The following MTMR3 variants were observed in gnomAD, a reference collection of about 807,000 sequenced individuals.
The protein encoded by MTMR3 is myotubularin related protein 3.
A neutral mutation model predicts 132.4 loss-of-function variants in MTMR3; 32 were observed. The ratio of observed to expected loss-of-function variants is 0.24; its 90% CI spans 0.18 to 0.32. MTMR3 has a LOEUF of 0.32. Ranked by LOEUF, MTMR3 falls within the 10% of genes least tolerant of loss-of-function variation. MTMR3 has a pLI of 1.00. For missense variants in MTMR3, 1,216 were observed against 1,489.6 expected, an observed-to-expected ratio of 0.82 and a Z score of 3.02; for synonymous variants, 556 against 550.3, an observed-to-expected ratio of 1.01 and a Z score of -0.14.
At position 30,020,664 on chromosome 22, in the gene MTMR3, C is replaced by A. The variant is rs771559381; in HGVS notation, c.3005C>A (p.Ser1002Tyr). Residue 1002 changes from serine (S) to tyrosine (Y), a missense_variant, in exon 17 of 20, where the codon TCT (serine) becomes TAT (tyrosine). By Grantham distance (144) the Ser-to-Tyr change is moderately radical. Coordinates refer to ENST00000401950, the MANE Select transcript of MTMR3 (RefSeq NM_021090.4). ...KWLHSHSGRP[S>Y]ATSSPDQPSR... ...CTGCATAGCCACTCAGGAAGGCCAT[C>A]TGCAACCAGCAGCCCCGACCAGCCT... The A allele has an allele frequency of 1.9e-6, 3 of 1,614,246 alleles. No homozygotes were observed. The Admixed American group carries it at 5.0e-5, about 27-fold the overall frequency.
rs2066961745 is a variant in MTMR3, at chr22:29,991,577, A to G, written c.367A>G (p.Lys123Glu). Residue 123 changes from lysine (K) to glutamate (E), a missense_variant, in exon 7 of 20, where the codon AAA becomes GAA. By Grantham distance (56) the Lys-to-Glu change is moderately conservative. Coordinates refer to ENST00000401950, the MANE Select transcript of MTMR3 (RefSeq NM_021090.4). ...GAACAACGCAATCCGACCACCTGCTAAAATAGAAGATCTCTTCTCATTTGC... is the reference window on the plus strand; with the variant it reads ...GAACAACGCAATCCGACCACCTGCTGAAATAGAAGATCTCTTCTCATTTGC... ...RLNNAIRPPAKIEDLFSFAYH... is the reference protein window; with the variant it reads ...RLNNAIRPPAEIEDLFSFAYH... 4.3e-6 allele frequency: 7 copies of G among 1,614,118 alleles called. No homozygotes were observed. The highest frequency in any genetic ancestry group is 5.9e-6 in the Non-Finnish European group (7 of 1,179,984).
chr22:29,918,891 T>A (rs911479076), intron 1 of MTMR3, among the ~76,000 whole-genome samples: 1 of 152,168 alleles, frequency 6.6e-6, no homozygotes, highest in Non-Finnish European at 1.5e-5. Context: ...GTTTGTATGG[T>A]TAGTTGAATT....
At chr22:30,010,404 G>A (rs961175701) in intron 12 of MTMR3, 9 of 152,206 alleles carry the variant, frequency 5.9e-5, no homozygotes, top group African/African-American at 2.2e-4. Context: ...TTTATTAAAG[G>A]TAATGCTTTT....
In MTMR3 at chr22:29,903,871, A is replaced by C. The variant is rs74976066; in HGVS notation, c.-138+20512A>C. Among the ~76,000 whole-genome samples the C allele has an allele frequency of 9.5e-4, 145 of 152,320 alleles. 2 individuals carry two copies. In the East Asian group the frequency reaches 0.017, roughly 17 times the overall value. On this transcript the variant is annotated intron_variant, in intron 1 of 19. Coordinates refer to ENST00000401950, the MANE Select transcript of MTMR3 (RefSeq NM_021090.4). ...TGTGTTTGGAGCCAAGGGATATTACACTTGAAATATGGTCATTTGGTGAAC... is the reference window on the plus strand; with the variant it reads ...TGTGTTTGGAGCCAAGGGATATTACCCTTGAAATATGGTCATTTGGTGAAC...
At chr22:29,954,541 A>G (rs1001778004) in intron 1 of MTMR3, among the ~76,000 whole-genome samples, 2 of 151,960 alleles carry the variant, frequency 1.3e-5, no homozygotes, top group African/African-American at 4.8e-5. Context: ...AAGCCCACCT[A>G]CTCGAACCTT....
chr22:29,929,510 T>C (rs2065597039), intron 1 of MTMR3, among the ~76,000 whole-genome samples: 1 of 151,944 alleles, frequency 6.6e-6, no homozygotes, highest in South Asian at 2.1e-4. Flanking sequence ...TTCTCTCTCA[T>C]GGATTTTTAT....
intron 1 of MTMR3, among the ~76,000 whole-genome samples, chr22:29,926,161 C>G (rs1242146415): frequency 1.3e-5 from 2 of 152,158 alleles, no homozygotes; most frequent in African/African-American, 4.8e-5. Flanking sequence ...TTTGTGCTGG[C>G]TGCTTTCATT....
At chr22:29,968,848 CA>C (rs2066479205) in intron 2 of MTMR3, among the ~76,000 whole-genome samples, 1 of 152,190 alleles carries the variant, frequency 6.6e-6, no homozygotes, top group East Asian at 1.9e-4. Context: ...GGCCAAATCA[CA>C]AAAGTTTGGC....
rs1399405403 is a variant in MTMR3, at chr22:29,994,705, A to G, written c.460+3035A>G. On this transcript the variant is annotated intron_variant, in intron 7 of 19. Transcript: ENST00000401950. ...TCTCTACCTAGCCTGCTAGAAGTAG[A>G]ATGTATCAGAGAGGAGAGAAATGAG... is the stretch of plus-strand genomic sequence containing the variant. 2.0e-5 allele frequency: 3 copies of G among 152,228 alleles called. 1 individual carries two copies. In the South Asian group the frequency reaches 6.2e-4, roughly 31 times the overall value. 9.4% of individuals were successfully genotyped at this position (152,228 alleles called of 1,614,324 possible).
intron 1 of MTMR3, among the ~76,000 whole-genome samples, chr22:29,951,214 A>G (rs916734767): frequency 6.6e-6 from 1 of 152,140 alleles, no homozygotes; most frequent in Non-Finnish European, 1.5e-5. Context: ...AAATCAGAAC[A>G]TATACTTTTA....
intron 1 of MTMR3, among the ~76,000 whole-genome samples, chr22:29,903,438 G>A (rs1467538959): frequency 6.9e-6 from 1 of 145,174 alleles, no homozygotes; most frequent in Non-Finnish European, 1.5e-5. Context: ...ATCCAGGCTG[G>A]AGTGCAGTGG....
At chr22:29,981,107 CT>C (rs1015257178) in intron 5 of MTMR3, 1 of 147,418 alleles carries the variant, frequency 6.8e-6, no homozygotes, top group Non-Finnish European at 1.5e-5. Context: ...TAACTACACT[CT>C]TTCTTTGCTT....
intron 2 of MTMR3, among the ~76,000 whole-genome samples, chr22:29,967,396 T>C (rs1312424504): frequency 6.6e-6 from 1 of 150,874 alleles, no homozygotes; most frequent in African/African-American, 2.4e-5. Context: ...CACAACCACC[T>C]AATTTTTTTT....
chr22:29,899,057 A>G (rs2064957363), intron 1 of MTMR3, among the ~76,000 whole-genome samples: 1 of 151,920 alleles, frequency 6.6e-6, no homozygotes, highest in African/African-American at 2.4e-5. Flanking sequence ...TTTTTGTTTT[A>G]CTTGAGTTAA....
intron 1 of MTMR3, among the ~76,000 whole-genome samples, chr22:29,892,026 G>A (rs1602413019): frequency 6.6e-6 from 1 of 152,012 alleles, no homozygotes; most frequent in East Asian, 2.0e-4. Flanking sequence ...GGTGGCACGC[G>A]CCTGTAGTTC....
intron 6 of MTMR3, 33 bp from the exon 7 acceptor site, chr22:29,991,471 G>T: frequency 6.4e-7 from 1 of 1,573,324 alleles, no homozygotes; most frequent in Non-Finnish European, 8.6e-7. Flanking sequence ...ACTGTCTTCT[G>T]ATTACATCCA....
chr22:29,916,012 A>G (rs1311756791), intron 1 of MTMR3, among the ~76,000 whole-genome samples: 1 of 152,034 alleles, frequency 6.6e-6, no homozygotes, highest in Non-Finnish European at 1.5e-5. Context: ...TAAGAATCCT[A>G]TGGCGTTATG....
chr22:30,025,873 G>A lies in MTMR3; in HGVS notation c.*72G>A, dbSNP rs1178813467. ...CAGGCCCACTCAACCTGGGCAGACC[G>A]AGAGGCCCGTGCACTTTGGAATGGG... On this transcript the variant is annotated 3_prime_UTR_variant, in exon 20 of 20. Transcript: ENST00000401950. 9 of 1,532,486 alleles carry A rather than the reference G, an allele frequency of 5.9e-6. No homozygotes were observed. The highest frequency in any genetic ancestry group is 2.3e-5 in the East Asian group (1 of 44,426). 94.9% of individuals were successfully genotyped at this position (1,532,486 alleles called of 1,614,324 possible).
At chr22:29,951,464 G>C (rs923882721) in intron 1 of MTMR3, among the ~76,000 whole-genome samples, 1 of 152,124 alleles carries the variant, frequency 6.6e-6, no homozygotes, top group East Asian at 1.9e-4. Flanking sequence ...ACATGGTCAG[G>C]GCTGCCTCCT....
Sources: allele counts gnomAD v4.1 joint callset (sites outside exome capture counted in the v4.1 genomes callset), GRCh38; gene constraint gnomAD v4.1.1; transcripts MANE v1.5; gene names NCBI Gene and HGNC (gene_info 2026-07-23, HGNC 2026-07-21).